LAMB4: variants seen among roughly 807,000 people sequenced by gnomAD.
The protein encoded by LAMB4 is laminin subunit beta 4, also known as laminin subunit beta-4.
LAMB4 carries 196 observed loss-of-function variants against 199.2 expected under a neutral mutation model. That is an observed-to-expected ratio of 0.98 (90% CI 0.88 to 1.11). LAMB4 has a LOEUF of 1.11. LAMB4 is among the 50% of genes least tolerant of loss of function. LAMB4 has a pLI of 0.00. For missense variants in LAMB4, 2,080 were observed against 2,171.2 expected, an observed-to-expected ratio of 0.96 and a Z score of 0.83; for synonymous variants, 744 against 770.6, an observed-to-expected ratio of 0.97 and a Z score of 0.57.
chr7:108,063,700 A>C, intron 22 of LAMB4, 61 bp downstream of exon 22: 2 of 1,417,940 alleles, frequency 1.4e-6, no homozygotes, highest in Non-Finnish European at 1.0e-6. Flanking sequence ...GAGAGCTGAC[A>C]ACACACTTAT....
intron 10 of LAMB4, among the ~76,000 whole-genome samples, chr7:108,102,407 T>C (rs2037845167): frequency 1.3e-5 from 2 of 152,088 alleles, no homozygotes; most frequent in Admixed American, 1.3e-4. Flanking sequence ...AAAAAAATCA[T>C]GATAATGCAA....
chr7:108,030,768 G>A (rs1404024707), intron 32 of LAMB4, 38 bp downstream of exon 32: 1 of 1,590,358 alleles, frequency 6.3e-7, no homozygotes, highest in African/African-American at 1.4e-5. Context: ...AAGAAGCCCT[G>A]CTTTTCTGCT....
intron 30 of LAMB4, 80 bp from the exon 31 acceptor site, chr7:108,034,426 TCAAC>T: frequency 1.8e-6 from 2 of 1,088,890 alleles, no homozygotes; most frequent in Non-Finnish European, 2.8e-6. Context: ...TTCATTTGAC[TCAAC>T]CAAATACTTT....
intron 9 of LAMB4, among the ~76,000 whole-genome samples, chr7:108,103,746 T>C (rs549295699): frequency 6.6e-6 from 1 of 152,304 alleles, no homozygotes; most frequent in East Asian, 1.9e-4. Flanking sequence ...GGAAAGGCAG[T>C]CTGTTTGGAG....
At chr7:108,050,460 T>G (rs898685374) in intron 26 of LAMB4, among the ~76,000 whole-genome samples, 2 of 152,216 alleles carry the variant, frequency 1.3e-5, no homozygotes, top group African/African-American at 2.4e-5. Context: ...CCTGTGTTCT[T>G]AAGCACTTCT....
chr7:108,061,646 G>A lies in LAMB4; in HGVS notation c.3282+1128C>T, dbSNP rs139963234. 6.2e-3 allele frequency among the ~76,000 whole-genome samples: 934 copies of A among 151,400 alleles called. 9 individuals are homozygous for A. The highest frequency in any genetic ancestry group is 0.022 in the African/African-American group (885 of 41,162). ...CCCATCTACTCAGGAGGCTGACGCA[G>A]GAGAATCGCTTGAACCCAGGAGGCA... On this transcript the variant is annotated intron_variant, in intron 23 of 33. Coordinates refer to ENST00000388781, the MANE Select transcript of LAMB4 (RefSeq NM_007356.3).
chr7:108,116,870 C>CA (rs888178869), intron 2 of LAMB4, among the ~76,000 whole-genome samples: 1 of 151,968 alleles, frequency 6.6e-6, no homozygotes, highest in African/African-American at 2.4e-5. Flanking sequence ...CCCATCTCCA[C>CA]AAAAAAATGA....
intron 31 of LAMB4, among the ~76,000 whole-genome samples, chr7:108,033,705 G>C (rs1001314838): frequency 2.0e-5 from 3 of 150,256 alleles, no homozygotes; most frequent in African/African-American, 4.9e-5. Context: ...AACCATGCCT[G>C]GCCAGATGGA....
intron 29 of LAMB4, among the ~76,000 whole-genome samples, chr7:108,038,401 T>C (rs2035303772): frequency 6.6e-6 from 1 of 152,168 alleles, no homozygotes; most frequent in African/African-American, 2.4e-5. Flanking sequence ...GACCTCCTGA[T>C]CCACCCACCT....
chr7:108,109,292 C>T, intron 4 of LAMB4, 48 bp from the exon 5 acceptor site: 1 of 1,342,012 alleles, frequency 7.5e-7, no homozygotes, highest in Non-Finnish European at 1.1e-6. Flanking sequence ...TGAGAGACTT[C>T]TGCTTATCAT....
chr7:108,052,052 A>G (rs1054505477), intron 26 of LAMB4, 45 bp downstream of exon 26: 1 of 1,545,796 alleles, frequency 6.5e-7, no homozygotes, highest in Non-Finnish European at 8.8e-7. Flanking sequence ...TGTGGATTTC[A>G]TCAAACTTTG....
intron 23 of LAMB4, among the ~76,000 whole-genome samples, chr7:108,058,492 C>T (rs995566386): frequency 3.9e-5 from 6 of 152,186 alleles, no homozygotes; most frequent in Admixed American, 3.3e-4. Flanking sequence ...TCTTGACCAG[C>T]TTTTCTGAAA....
chr7:108,098,199 G>A (rs1021460236), intron 11 of LAMB4, among the ~76,000 whole-genome samples: 1 of 152,154 alleles, frequency 6.6e-6, no homozygotes. Context: ...TGGGCGTGGT[G>A]GTGGTCGCCT....
Position 108,077,029 on chromosome 7 carries a change from G to C in LAMB4, c.2039C>G (p.Pro680Arg), listed in dbSNP as rs1284520492. The C allele has an allele frequency of 6.2e-7, 1 of 1,613,738 alleles. No homozygotes were observed. Among genetic ancestry groups the C allele is most frequent in the Non-Finnish European group, 8.5e-7 (1 of 1,179,812 alleles). The change falls in exon 17 of 34, where the codon CCA (proline) becomes CGA (arginine). Residue 680 changes from proline to arginine, a missense_variant. By Grantham distance (103) the Pro-to-Arg change is moderately radical. Coordinates refer to ENST00000388781, the MANE Select transcript of LAMB4 (RefSeq NM_007356.3). ...MLLPTPICLEPDVQYSIDVYF... is the reference protein window; with the variant it reads ...MLLPTPICLERDVQYSIDVYF... ...GACATCTATGGAATATTGTACATCT[G>C]GTTCTAAACAGATGGGTGTGGGAAG...
intron 4 of LAMB4, among the ~76,000 whole-genome samples, chr7:108,110,802 G>A (rs1208502394): frequency 1.3e-5 from 2 of 152,188 alleles, no homozygotes; most frequent in East Asian, 1.9e-4. Flanking sequence ...ATTAAGGAGA[G>A]TCCAGCTGGA....
intron 3 of LAMB4, among the ~76,000 whole-genome samples, chr7:108,113,127 C>T (rs1000436411): frequency 6.6e-6 from 1 of 152,194 alleles, no homozygotes; most frequent in Non-Finnish European, 1.5e-5. Context: ...CCTGACTACC[C>T]TATTAAAATG....
chr7:108,118,681 C>G (rs952988313), intron 2 of LAMB4, among the ~76,000 whole-genome samples: 2 of 151,686 alleles, frequency 1.3e-5, no homozygotes, highest in African/African-American at 4.8e-5. Flanking sequence ...AACTATAGAG[C>G]TATGAAACTC....
At chr7:108,063,559 T>C (rs185201676) in intron 22 of LAMB4, among the ~76,000 whole-genome samples, 2 of 152,304 alleles carry the variant, frequency 1.3e-5, no homozygotes, top group Admixed American at 6.5e-5. Context: ...AGTGAGAACA[T>C]TGTGGCTGCA....
At chr7:108,032,075 A>G (rs2035057834) in intron 31 of LAMB4, among the ~76,000 whole-genome samples, 3 of 152,022 alleles carry the variant, frequency 2.0e-5, no homozygotes. Flanking sequence ...GTTGTTCATT[A>G]TTTCTGATGA....
Sources: allele counts gnomAD v4.1 joint callset (sites outside exome capture counted in the v4.1 genomes callset), GRCh38; gene constraint gnomAD v4.1.1; transcripts MANE v1.5; gene names NCBI Gene and HGNC (gene_info 2026-07-23, HGNC 2026-07-21).